ABLIM3: variants seen among roughly 807,000 people sequenced by gnomAD.
The protein encoded by ABLIM3 is actin binding LIM protein family member 3, also known as actin-binding LIM protein 3.
A neutral mutation model predicts 109.5 loss-of-function variants in ABLIM3; 61 were observed. The observed-to-expected ratio is 0.56, with a 90% CI of 0.45 to 0.69. ABLIM3 has a LOEUF of 0.69. ABLIM3 is among the 30% of genes least tolerant of loss of function. The pLI, the probability that ABLIM3 is intolerant of heterozygous loss-of-function variation, is 0.00. For missense variants in ABLIM3, 796 were observed against 889.5 expected (o/e 0.89, Z 1.34); for synonymous variants, 300 against 324.8 (o/e 0.92, Z 0.82).
In ABLIM3 at chr5:149,198,721, C is replaced by G. The variant is rs989940264; in HGVS notation, c.335+319C>G. On this transcript the variant is annotated intron_variant, in intron 4 of 23. Coordinates refer to ENST00000309868, the MANE Select transcript of ABLIM3 (RefSeq NM_014945.5). The surrounding 1 kb of genome is among the most constrained non-coding windows in gnomAD (Gnocchi z 4.2). ...AAAGAAACCACTGATTCTCTCAGAA[C>G]TCAGTTTGGAAACTGTGGATCTGGC... 1.3e-5 allele frequency among the ~76,000 whole-genome samples: 2 copies of G among 152,230 alleles called. No homozygotes were observed. The highest frequency in any genetic ancestry group is 6.5e-5 in the Admixed American group (1 of 15,292).
chr5:149,170,258 C>CTCTCTCTCTCTCTCTCTCCT (rs879327813), intron 2 of ABLIM3, among the ~76,000 whole-genome samples: 1 of 151,284 alleles, frequency 6.6e-6, no homozygotes, highest in Non-Finnish European at 1.5e-5. Context: ...CTCTCTCTCT[C>CTCTCTCTCTCTCTCTCTCCT]TCTCTCCTTC....
intron 19 of ABLIM3, among the ~76,000 whole-genome samples, chr5:149,250,243 T>C (rs911742746): frequency 3.3e-5 from 5 of 152,130 alleles, no homozygotes; most frequent in Non-Finnish European, 5.9e-5. Flanking sequence ...CTTGGGCAGG[T>C]ACCTAGAATT....
intron 2 of ABLIM3, among the ~76,000 whole-genome samples, chr5:149,171,316 T>G (rs1262338547): frequency 6.6e-6 from 1 of 152,224 alleles, no homozygotes; most frequent in Non-Finnish European, 1.5e-5. Context: ...ATCATTATTA[T>G]TATAGTAAGC....
intron 7 of ABLIM3, among the ~76,000 whole-genome samples, chr5:149,211,740 A>G (rs1179899709): frequency 6.6e-6 from 1 of 151,758 alleles, no homozygotes; most frequent in East Asian, 2.0e-4. Context: ...GAGGGGATGT[A>G]GCAACCAGGA....
Position 149,252,220 on chromosome 5 carries a change from G to A in ABLIM3, c.1857+12G>A. On this transcript the variant is annotated intron_variant, in intron 22 of 23. Coordinates refer to ENST00000309868, the MANE Select transcript of ABLIM3 (RefSeq NM_014945.5). ...CTGCAGAGTACAAGGTAAAGGATGT[G>A]CATAGACCCTGGGGGTCTCCAGGAT... is the stretch of plus-strand genomic sequence containing the variant. The A allele has an allele frequency of 1.9e-6, 3 of 1,613,222 alleles. No individual in the cohort carries two copies. Among genetic ancestry groups the A allele is most frequent in the Non-Finnish European group, 2.5e-6 (3 of 1,179,592 alleles).
intron 5 of ABLIM3, among the ~76,000 whole-genome samples, chr5:149,205,747 G>T (rs1192381542): frequency 3.9e-5 from 6 of 152,284 alleles, no homozygotes; most frequent in Admixed American, 3.9e-4. Context: ...TGCAAGTAGA[G>T]ACCTTTCTGC....
chr5:149,238,979 G>A (rs1385340597), intron 11 of ABLIM3, among the ~76,000 whole-genome samples: 2 of 152,212 alleles, frequency 1.3e-5, no homozygotes, highest in African/African-American at 2.4e-5. Flanking sequence ...TGCCACTTCT[G>A]CCCTGAGTGG....
rs142665438 is a variant in ABLIM3, at chr5:149,145,152, C to G, written c.13+3044C>G. On this transcript the variant is annotated intron_variant, in intron 2 of 23. Coordinates refer to ENST00000309868, the MANE Select transcript of ABLIM3 (RefSeq NM_014945.5). Reference sequence around the variant, plus strand: ...CTCTTGCTCTCCTCCCTCCCTTCCCCCTCTAGTAGTGCCCAGTGTCTATTT... The same window carrying G: ...CTCTTGCTCTCCTCCCTCCCTTCCCGCTCTAGTAGTGCCCAGTGTCTATTT... Among the ~76,000 whole-genome samples the G allele has an allele frequency of 2.5e-3, 374 of 152,232 alleles. 1 individual carries two copies. The highest frequency in any genetic ancestry group is 8.6e-3 in the African/African-American group (358 of 41,540).
intron 8 of ABLIM3, among the ~76,000 whole-genome samples, chr5:149,221,348 G>A (rs1760631013): frequency 6.6e-6 from 1 of 152,214 alleles, no homozygotes; most frequent in Admixed American, 6.5e-5. Flanking sequence ...TTATATAAGA[G>A]AGAGAGAGTG....
rs147385692 is a variant in ABLIM3, at chr5:149,230,653, C to A, written c.762C>A (p.Ser254=). Residue 254 remains serine, a synonymous_variant, in exon 9 of 24, where the codon TCC becomes TCA. Coordinates refer to ENST00000309868, the MANE Select transcript of ABLIM3 (RefSeq NM_014945.5). ...TEGEEMYLTG[S]EVWHPICKQA... is the part of the protein sequence containing the mutation. Reference sequence around the variant, plus strand: ...GTTATTTTCATGACCCCTTAGGTTCCGAGGTTTGGCACCCCATCTGCAAAC... The same window carrying A: ...GTTATTTTCATGACCCCTTAGGTTCAGAGGTTTGGCACCCCATCTGCAAAC... 6.2e-7 allele frequency: 1 copy of A among 1,613,876 alleles called. No homozygotes were observed. The highest frequency in any genetic ancestry group is 1.1e-5 in the South Asian group (1 of 91,064).
intron 5 of ABLIM3, among the ~76,000 whole-genome samples, chr5:149,201,840 T>C (rs1429750363): frequency 6.6e-6 from 1 of 151,216 alleles, no homozygotes; most frequent in African/African-American, 2.4e-5. Context: ...GAGGGAGAAG[T>C]GAGCCTGAGT....
rs1005377984 is a variant in ABLIM3, at chr5:149,259,690, T to A, written c.*1286T>A. The A allele has an allele frequency of 5.0e-6, 6 of 1,201,904 alleles. No homozygotes were observed. In the African/African-American group the frequency reaches 9.1e-5, roughly 18 times the overall value. 74.5% of individuals were successfully genotyped at this position (1,201,904 alleles called of 1,614,324 possible). The stretch of plus-strand genomic sequence containing the variant: ...GGAGAAAGCTTAACCTCTCTTCTCC[T>A]CTCCAAACCTTTCACCTTGAATGGG... On this transcript the variant is annotated 3_prime_UTR_variant, in exon 24 of 24. Coordinates refer to ENST00000309868, the MANE Select transcript of ABLIM3 (RefSeq NM_014945.5).
At chr5:149,220,537 G>A (rs1028424625) in intron 8 of ABLIM3, 1 of 152,216 alleles carries the variant, frequency 6.6e-6, no homozygotes, top group Admixed American at 6.5e-5. Flanking sequence ...AGCAGTGCTA[G>A]AGTCACGCTC....
At chr5:149,177,642 A>G (rs1258972803) in intron 2 of ABLIM3, among the ~76,000 whole-genome samples, 1 of 152,202 alleles carries the variant, frequency 6.6e-6, no homozygotes, top group Non-Finnish European at 1.5e-5. Flanking sequence ...GCAGCCAAGG[A>G]GTTTTTTTCT....
chr5:149,233,056 G>T lies in ABLIM3; in HGVS notation c.817-173G>T, dbSNP rs998583. On this transcript the variant is annotated intron_variant, in intron 9 of 23. Coordinates refer to ENST00000309868, the MANE Select transcript of ABLIM3 (RefSeq NM_014945.5). ...GCCTGAAGTCCTTGCATTTTTGGTC[G>T]CATTCATACTCAGACCTTGACTTGA... Among the ~76,000 whole-genome samples, 66,557 of 151,972 alleles carry T rather than the reference G, an allele frequency of 0.44. 14,844 individuals are homozygous for T. Among genetic ancestry groups the T allele is most frequent in the East Asian group, 0.62 (3,217 of 5,172 alleles).
chr5:149,217,363 G>T, intron 8 of ABLIM3: 1 of 396,500 alleles, frequency 2.5e-6, no homozygotes, highest in South Asian at 3.1e-5. Context: ...AGCTGCACAG[G>T]CCCAAGGGGT....
At chr5:149,180,082 C>T (rs1226040868) in intron 2 of ABLIM3, among the ~76,000 whole-genome samples, 2 of 152,180 alleles carry the variant, frequency 1.3e-5, no homozygotes, top group African/African-American at 2.4e-5. Flanking sequence ...CACAAGTGAG[C>T]ACAGCTAATG....
intron 16 of ABLIM3, 72 bp from the exon 17 acceptor site, chr5:149,246,409 TA>T (rs34340554): frequency 0.49 from 667,283 of 1,367,918 alleles, 158,967 homozygotes; most frequent in African/African-American, 0.53. Flanking sequence ...TTTTCTTTTT[TA>T]AAAAAAAAAT....
intron 14 of ABLIM3, 137 bp downstream of exon 14, chr5:149,240,911 C>T: frequency 1.4e-6 from 1 of 736,850 alleles, no homozygotes; most frequent in South Asian, 1.6e-5. Context: ...GCACCTGCAC[C>T]AACCCTGTCC....
Sources: gnomAD v4.1 joint callset for allele counts (sites outside exome capture counted in the v4.1 genomes callset) on GRCh38, gnomAD v4.1.1 for gene constraint, Gnocchi (gnomAD v3.1) non-coding constraint, MANE v1.5 for transcripts, NCBI Gene and HGNC (gene_info 2026-07-23, HGNC 2026-07-21) for gene names.